ZFHX3: variants seen among roughly 807,000 people sequenced by gnomAD.
ZFHX3 encodes zinc finger homeobox protein 3.
A neutral mutation model predicts 279.1 loss-of-function variants in ZFHX3; 42 were observed. That is an observed-to-expected ratio of 0.15 (90% CI 0.12 to 0.19). ZFHX3 has a LOEUF of 0.19. Ranked by LOEUF, ZFHX3 falls within the 10% of genes least tolerant of loss-of-function variation. The pLI is 1.00. For missense variants in ZFHX3, 4,981 were observed against 4,754.0 expected, an observed-to-expected ratio of 1.05 and a Z score of -1.40; for synonymous variants, 2,293 against 1,957.8, an observed-to-expected ratio of 1.17 and a Z score of -4.52.
intron 1 of ZFHX3, among the ~76,000 whole-genome samples, chr16:73,884,261 T>A (rs1321846379): frequency 1.3e-5 from 2 of 152,194 alleles, no homozygotes; most frequent in African/African-American, 4.8e-5. Flanking sequence ...CACCTTGTTT[T>A]ATTTTTGTAT....
chr16:73,291,225 T>C (rs35780927), intron 4 of ZFHX3, among the ~76,000 whole-genome samples: 8,047 of 152,200 alleles, frequency 0.053, 366 homozygotes, highest in African/African-American at 0.13. Flanking sequence ...CAGCTCTGTA[T>C]ATGTTCACCT....
chr16:73,066,240 C>G (rs1965750783), intron 8 of ZFHX3, among the ~76,000 whole-genome samples: 1 of 151,556 alleles, frequency 6.6e-6, no homozygotes, highest in South Asian at 2.1e-4. Flanking sequence ...GAGACGCGCC[C>G]TTCTCGTGTC....
intron 1 of ZFHX3, among the ~76,000 whole-genome samples, chr16:73,800,552 T>TTCC (rs556993268): frequency 3.9e-5 from 6 of 152,134 alleles, no homozygotes; most frequent in South Asian, 2.1e-4. Flanking sequence ...TTTCTTCTTC[T>TTCC]TCCTCCTCCT....
At chr16:73,455,467 C>T (rs1022744575) in intron 3 of ZFHX3, among the ~76,000 whole-genome samples, 2 of 152,162 alleles carry the variant, frequency 1.3e-5, no homozygotes, top group Non-Finnish European at 2.9e-5. Flanking sequence ...TTGCCTGTCT[C>T]AACTCAAGAA....
rs187491102 is a variant in ZFHX3, at chr16:73,692,721, C to T, written c.-1607-12481G>A. ...TTACCCATCCAATTCTAAGGGGGAACGTGAATTAAAGTAGGTATTTTTGTA... is the reference window on the plus strand; with the variant it reads ...TTACCCATCCAATTCTAAGGGGGAATGTGAATTAAAGTAGGTATTTTTGTA... On this transcript the variant is annotated intron_variant, in intron 1 of 17. Transcript: ENST00000641206. Among the ~76,000 whole-genome samples, 786 of 152,196 alleles carry T rather than the reference C, an allele frequency of 5.2e-3. 6 individuals are homozygous for T. Among genetic ancestry groups the T allele is most frequent in the Middle Eastern group, 0.014 (4 of 294 alleles).
chr16:72,790,084 T>C (rs1367763754), intron 9 of ZFHX3: 1 of 152,376 alleles, frequency 6.6e-6, no homozygotes, highest in African/African-American at 2.4e-5. Context: ...GAGAGCCTAA[T>C]ACCCTCCCTG....
intron 1 of ZFHX3, among the ~76,000 whole-genome samples, chr16:73,747,270 A>G (rs1049001555): frequency 2.6e-5 from 4 of 152,096 alleles, no homozygotes; most frequent in Admixed American, 2.0e-4. Flanking sequence ...TGTAGTCCCA[A>G]CCACTTAGAA....
intron 1 of ZFHX3, among the ~76,000 whole-genome samples, chr16:73,022,147 C>T (rs970381972): frequency 3.9e-5 from 6 of 152,160 alleles, no homozygotes; most frequent in South Asian, 2.1e-4. Context: ...GTAGTATAAG[C>T]TCCAAGCAGA....
At chr16:73,405,964 AAAC>A (rs938750140) in intron 3 of ZFHX3, among the ~76,000 whole-genome samples, 1 of 152,228 alleles carries the variant, frequency 6.6e-6, no homozygotes, top group African/African-American at 2.4e-5. Flanking sequence ...AGTGCCACAC[AAAC>A]AATTCCTCCT....
Position 72,795,218 on chromosome 16 carries a change from G to GGGCGCTTGTGGAGGA in ZFHX3, c.7449_7463dup (p.Ala2487_Gln2491dup), listed in dbSNP as rs769547109. 1 of 1,608,088 alleles carries GGGCGCTTGTGGAGGA rather than the reference G, an allele frequency of 6.2e-7. No homozygotes were observed. Among genetic ancestry groups the GGGCGCTTGTGGAGGA allele is most frequent in the African/African-American group, 1.3e-5 (1 of 74,828 alleles). ...ACTGGGGTAAGGGGCACTGTGGAGG[G>GGGCGCTTGTGGAGGA]GGCGCTTGTGGAGGAGGCTGTGGCA... is the stretch of plus-strand genomic sequence containing the variant. On this transcript the variant is annotated inframe_insertion, in exon 9 of 10. Transcript: ENST00000268489.
chr16:73,237,621 C>G (rs1317721343), intron 5 of ZFHX3, among the ~76,000 whole-genome samples: 2 of 150,080 alleles, frequency 1.3e-5, no homozygotes, highest in African/African-American at 4.9e-5. Flanking sequence ...ATCTTCCTGC[C>G]TCAGCCTCCT....
intron 7 of ZFHX3, among the ~76,000 whole-genome samples, chr16:73,101,853 A>G (rs1292909743): frequency 1.3e-5 from 2 of 150,330 alleles, no homozygotes; most frequent in Non-Finnish European, 3.0e-5. Flanking sequence ...ACCCCTTCCA[A>G]CATGCACCTC....
intron 2 of ZFHX3, among the ~76,000 whole-genome samples, chr16:73,457,988 C>T (rs1421677707): frequency 6.6e-6 from 1 of 152,072 alleles, no homozygotes; most frequent in Non-Finnish European, 1.5e-5. Flanking sequence ...ACAGATTCTC[C>T]AGCACTTTAT....
chr16:72,850,867 T>C (rs1396077575), intron 4 of ZFHX3, among the ~76,000 whole-genome samples: 3 of 151,768 alleles, frequency 2.0e-5, no homozygotes, highest in African/African-American at 7.3e-5. Context: ...TAATAAACTC[T>C]GCAAGCAGGA....
chr16:72,865,610 G>A (rs960368499), intron 4 of ZFHX3, among the ~76,000 whole-genome samples: 18 of 147,554 alleles, frequency 1.2e-4, no homozygotes, highest in African/African-American at 4.5e-4. Flanking sequence ...AACAGAAAGA[G>A]AAGGCGAGTT....
At chr16:73,530,663 C>T (rs926026116) in intron 2 of ZFHX3, among the ~76,000 whole-genome samples, 1 of 152,138 alleles carries the variant, frequency 6.6e-6, no homozygotes, top group African/African-American at 2.4e-5. Context: ...CAATTTTCTG[C>T]AGGCTTTCAT....
chr16:72,842,210 G>GTT (rs368055645), intron 4 of ZFHX3, among the ~76,000 whole-genome samples: 4 of 148,904 alleles, frequency 2.7e-5, no homozygotes, highest in African/African-American at 9.9e-5. Flanking sequence ...TTGTTTTTTT[G>GTT]TTTTTTTTTT....
At chr16:73,030,844 T>C (rs1336845748) in intron 1 of ZFHX3, among the ~76,000 whole-genome samples, 1 of 152,160 alleles carries the variant, frequency 6.6e-6, no homozygotes, top group East Asian at 1.9e-4. Context: ...ATAAACCTTG[T>C]ACCCTGGGGA....
At chr16:73,842,590 A>T (rs1225839353) in intron 1 of ZFHX3, among the ~76,000 whole-genome samples, 1 of 152,166 alleles carries the variant, frequency 6.6e-6, no homozygotes, top group Admixed American at 6.5e-5. Flanking sequence ...GATGATGGCC[A>T]TAAGTATGTG....
Sources: allele counts gnomAD v4.1 joint callset (sites outside exome capture counted in the v4.1 genomes callset), GRCh38; gene constraint gnomAD v4.1.1; transcripts MANE v1.5; gene names NCBI Gene and HGNC (gene_info 2026-07-23, HGNC 2026-07-21).